Variants in COL3A1 observed in about 807,000 individuals in gnomAD.
The protein encoded by COL3A1 is collagen alpha-1(III) chain.
COL3A1 carries 46 observed loss-of-function variants against 200.9 expected under a neutral mutation model. The observed-to-expected ratio is 0.23, with a 90% CI of 0.18 to 0.29. The LOEUF is 0.29. Ranked by LOEUF, COL3A1 falls within the 10% of genes least tolerant of loss-of-function variation. The pLI, the probability that COL3A1 is intolerant of heterozygous loss-of-function variation, is 1.00. For missense variants in COL3A1, 1,367 were observed against 1,917.6 expected (o/e 0.71, Z 5.36); for synonymous variants, 650 against 628.0 (o/e 1.03, Z -0.52).
At chr2:188,998,633 C>T (rs145007705) in intron 28 of COL3A1, 41 bp from the exon 29 acceptor site, 1 of 1,586,496 alleles carries the variant, frequency 6.3e-7, no homozygotes, top group African/African-American at 1.3e-5. Flanking sequence ...ACATAAAATG[C>T]ACTCTGATAT....
Position 189,010,882 on chromosome 2 carries a change from G to C in COL3A1, c.4246G>C (p.Gly1416Arg). ...SKFTYTVLED[G>R]CTKHTGEWSK... ...ATTCACCTACACAGTTCTGGAGGAT[G>C]GTTGCACGGTAGGAAACATTTTTCT... is the stretch of plus-strand genomic sequence containing the variant. The change falls in exon 50 of 51, where the codon GGT becomes CGT. Residue 1416 changes from glycine to arginine, a missense_variant. Coordinates refer to ENST00000304636, the MANE Select transcript of COL3A1 (RefSeq NM_000090.4). 1 of 1,614,074 alleles carries C rather than the reference G, an allele frequency of 6.2e-7. No individual in the cohort carries two copies. Among genetic ancestry groups the C allele is most frequent in the Non-Finnish European group, 8.5e-7 (1 of 1,179,940 alleles).
chr2:188,983,487 C>G (rs1322525187), intron 1 of COL3A1, among the ~76,000 whole-genome samples: 1 of 151,814 alleles, frequency 6.6e-6, no homozygotes, highest in African/African-American at 2.4e-5. Context: ...CATTTAAACA[C>G]AAACCTAAAT....
intron 21 of COL3A1, 94 bp downstream of exon 21, chr2:188,995,193 G>A (rs1340345714): frequency 1.7e-6 from 2 of 1,201,350 alleles, no homozygotes; most frequent in Non-Finnish European, 2.4e-6. Context: ...CTAAATATCT[G>A]AAGAATATAT....
rs1223295202 is a variant in COL3A1, at chr2:188,987,044, G to T, written c.448-15G>T. On this transcript the variant is annotated splice_polypyrimidine_tract_variant and intron_variant, in intron 4 of 50. Transcript: ENST00000304636. ...TCTGTTAAAATGATCATATCTATTT[G>T]TCTCCTTGCCACAGAACTATTCTCC... The T allele has an allele frequency of 6.2e-7, 1 of 1,603,600 alleles. No homozygotes were observed. The highest frequency in any genetic ancestry group is 8.5e-7 in the Non-Finnish European group (1 of 1,170,878).
chr2:189,006,131 T>C (rs563496789), intron 41 of COL3A1, 75 bp from the exon 42 acceptor site: 14 of 1,476,938 alleles, frequency 9.5e-6, no homozygotes, highest in Non-Finnish European at 1.3e-5. Context: ...TATATTGCCC[T>C]GCTGAGAATG....
At chr2:188,990,206 T>C in intron 9 of COL3A1, 57 bp downstream of exon 9, 2 of 1,590,652 alleles carry the variant, frequency 1.3e-6, no homozygotes, top group Non-Finnish European at 1.7e-6. Context: ...AAAACTATTA[T>C]GTAATTCAAT....
intron 4 of COL3A1, 107 bp downstream of exon 4, chr2:188,985,885 C>A (rs763266769): frequency 3.9e-6 from 3 of 773,080 alleles, no homozygotes; most frequent in Admixed American, 2.1e-5. Flanking sequence ...TGTATCTGTT[C>A]TCTGATTCAG....
chr2:188,999,298 C>G lies in COL3A1; in HGVS notation c.2036C>G (p.Ala679Gly). The G allele has an allele frequency of 6.3e-7, 1 of 1,577,282 alleles. No individual in the cohort carries two copies. The highest frequency in any genetic ancestry group is 8.6e-7 in the Non-Finnish European group (1 of 1,160,518). ...GAPGGKGDAG[A>G]PGERGPPGLA... Reference sequence around the variant, plus strand: ...TTTTTGTCACAGGGTGATGCTGGTGCCCCTGGTGAACGTGGACCTCCTGGA... The same window carrying G: ...TTTTTGTCACAGGGTGATGCTGGTGGCCCTGGTGAACGTGGACCTCCTGGA... The change falls in exon 30 of 51, where the codon GCC becomes GGC. Residue 679 changes from alanine to glycine, a missense_variant. Around this residue, in one of 5 missense-constraint regions of COL3A1, gnomAD observed 846 missense variants for 1,147.9 expected, o/e 0.74. Coordinates refer to ENST00000304636, the MANE Select transcript of COL3A1 (RefSeq NM_000090.4).
rs1161136633 is a variant in COL3A1 at position 189,003,751 on chromosome 2, T to C, written c.2625T>C (p.Pro875=). 3 of 1,614,154 alleles carry C rather than the reference T, an allele frequency of 1.9e-6. No homozygotes were observed. Among genetic ancestry groups the C allele is most frequent in the Admixed American group, 3.3e-5 (2 of 60,024 alleles). Residue 875 remains proline, a synonymous_variant, in exon 38 of 51, where the codon CCT becomes CCC. Coordinates refer to ENST00000304636, the MANE Select transcript of COL3A1 (RefSeq NM_000090.4). ...TTTCACAGGGTGCTGCTGGCTTCCC[T>C]GGTGCTCGTGGTCTTCCTGGTCCTC... The part of the protein sequence containing the change: ...SPGGPGAAGF[P]GARGLPGPPG...
intron 34 of COL3A1, 82 bp downstream of exon 34, chr2:189,001,671 G>T: frequency 2.0e-6 from 3 of 1,465,710 alleles, no homozygotes; most frequent in Non-Finnish European, 2.9e-6. Flanking sequence ...TGGCAGTTTT[G>T]CCCTCAGTTC....
chr2:188,997,474 C>T, intron 26 of COL3A1, 85 bp downstream of exon 26: 2 of 1,399,778 alleles, frequency 1.4e-6, no homozygotes, highest in Non-Finnish European at 2.0e-6. Flanking sequence ...TAATCTCTGA[C>T]ACCATGTTGT....
rs750414511 is a variant in COL3A1, at chr2:188,974,474, T to C, written c.-16T>C. 3.1e-6 allele frequency: 5 copies of C among 1,606,238 alleles called. No individual in the cohort carries two copies. The South Asian group carries it at 5.5e-5, about 18-fold the overall frequency. ...TCTCCTTTTTGCACAAAGAGTCTCA[T>C]GTCTGATATTTAGACATGATGAGCT... On this transcript the variant is annotated 5_prime_UTR_variant, in exon 1 of 51. It removes an upstream start codon present in the reference 5' UTR. Transcript: ENST00000304636.
At chr2:188,989,881 T>C (rs1284424359) in intron 8 of COL3A1, among the ~76,000 whole-genome samples, 7 of 152,202 alleles carry the variant, frequency 4.6e-5, no homozygotes, top group African/African-American at 1.4e-4. Flanking sequence ...TTTCAGTGAT[T>C]AGAAGCACCT....
intron 38 of COL3A1, 61 bp downstream of exon 38, chr2:189,003,848 T>C: frequency 1.3e-6 from 2 of 1,591,612 alleles, no homozygotes. Context: ...CATGTATGTA[T>C]AGGATGAGAA....
chr2:188,991,423 T>G, intron 11 of COL3A1, 64 bp from the exon 12 acceptor site: 1 of 1,081,218 alleles, frequency 9.2e-7, no homozygotes, highest in Non-Finnish European at 1.3e-6. Context: ...ATATTCTGTA[T>G]TTAAAAATAT....
intron 1 of COL3A1, among the ~76,000 whole-genome samples, chr2:188,980,772 T>C (rs1687935689): frequency 6.6e-6 from 1 of 151,024 alleles, no homozygotes; most frequent in African/African-American, 2.4e-5. Context: ...TTTATTAAAA[T>C]TTATGTTTTC....
rs1270448098 is a variant in COL3A1 at position 188,994,574 on chromosome 2, C to T, written c.1327C>T (p.Pro443Ser). ...EPGKNGAKGE[P>S]GPRGERGEAG... Reference sequence around the variant, plus strand: ...TGGTAAGAATGGTGCCAAAGGAGAGCCCGGACCACGTGGTGAACGCGTAAG... The same window carrying T: ...TGGTAAGAATGGTGCCAAAGGAGAGTCCGGACCACGTGGTGAACGCGTAAG... Residue 443 changes from proline (P) to serine (S), a missense_variant, in exon 19 of 51, where the codon CCC becomes TCC. Coordinates refer to ENST00000304636, the MANE Select transcript of COL3A1 (RefSeq NM_000090.4). The surrounding 1 kb of genome is among the most constrained non-coding windows in gnomAD (Gnocchi z 4.5). The T allele has an allele frequency of 1.2e-6, 2 of 1,614,080 alleles. No homozygotes were observed. The highest frequency in any genetic ancestry group is 8.5e-7 in the Non-Finnish European group (1 of 1,180,020).
At position 189,006,961 on chromosome 2, in the gene COL3A1, C is replaced by T. The variant is rs1688599116; in HGVS notation, c.3226C>T (p.Pro1076Ser). 1 of 1,612,972 alleles carries T rather than the reference C, an allele frequency of 6.2e-7. No homozygotes were observed. Among genetic ancestry groups the T allele is most frequent in the African/African-American group, 1.3e-5 (1 of 74,716 alleles). The stretch of plus-strand genomic sequence containing the variant: ...GGGCCCTGCTGGCCCTGCTGGTGCT[C>T]CCGGTCCTGCTGGTTCCCGAGGTGC... Reference protein sequence around the residue: ...ESGPAGPAGAPGPAGSRGAPG... With the variant: ...ESGPAGPAGASGPAGSRGAPG... The change falls in exon 44 of 51, where the codon CCC becomes TCC. Residue 1076 changes from proline to serine, a missense_variant. Around this residue, in one of 5 missense-constraint regions of COL3A1, gnomAD observed 846 missense variants for 1,147.9 expected, o/e 0.74. Coordinates refer to ENST00000304636, the MANE Select transcript of COL3A1 (RefSeq NM_000090.4).
In COL3A1 at chr2:188,992,086, A is replaced by G. The variant is rs534898182; in HGVS notation, c.952-98A>G. ...TAAGCAGATTTTAATGTACTTGAAG[A>G]AAACTCAACTCACTTGAGTCAGAAT... On this transcript the variant is annotated intron_variant, in intron 13 of 50. Coordinates refer to ENST00000304636, the MANE Select transcript of COL3A1 (RefSeq NM_000090.4). 44 of 1,150,470 alleles carry G rather than the reference A, an allele frequency of 3.8e-5. No homozygotes were observed. The South Asian group carries it at 5.3e-4, about 14-fold the overall frequency. The allele number at this position is 1,150,470 out of a possible 1,614,324, so 71.3% of individuals were successfully genotyped here.
Sources: gnomAD v4.1 joint callset for allele counts (sites outside exome capture counted in the v4.1 genomes callset) on GRCh38, gnomAD v4.1.1 for gene constraint, gnomAD v4.1.1 regional missense constraint, Gnocchi (gnomAD v3.1) non-coding constraint, MANE v1.5 for transcripts, NCBI Gene and HGNC (gene_info 2026-07-23, HGNC 2026-07-21) for gene names.